NRXN1: variants seen among roughly 807,000 people sequenced by gnomAD.
NRXN1 encodes neurexin 1.
Under a neutral mutation model 150.9 loss-of-function variants are expected in NRXN1, and 39 were observed. The ratio of observed to expected loss-of-function variants is 0.26; its 90% confidence interval spans 0.20 to 0.34. NRXN1 has a LOEUF of 0.34. Among genes scored for constraint, NRXN1 ranks in the 10% least tolerant of loss-of-function variants. NRXN1 has a pLI of 1.00. For synonymous variants in NRXN1, 924 were observed against 757.0 expected, an observed-to-expected ratio of 1.22 and a Z score of -3.62; for missense variants, 1,815 against 1,949.9, an observed-to-expected ratio of 0.93 and a Z score of 1.30.
intron 5 of NRXN1, among the ~76,000 whole-genome samples, chr2:50,776,919 C>A (rs1703719169): frequency 6.6e-6 from 1 of 152,096 alleles, no homozygotes; most frequent in Admixed American, 6.6e-5. Flanking sequence ...AAATGCAATG[C>A]AATCTAATGC....
chr2:50,360,730 C>T (rs2079130615), intron 17 of NRXN1, among the ~76,000 whole-genome samples: 1 of 152,166 alleles, frequency 6.6e-6, no homozygotes, highest in African/African-American at 2.4e-5. Flanking sequence ...CAAGGATATT[C>T]AGGACTTGAA....
chr2:50,649,237 C>A (rs1685235873), intron 5 of NRXN1, among the ~76,000 whole-genome samples: 1 of 143,988 alleles, frequency 6.9e-6, no homozygotes, highest in African/African-American at 2.6e-5. Flanking sequence ...TAGGTACAAG[C>A]ATGTATACAC....
At chr2:50,657,095 C>T (rs1447875646) in intron 5 of NRXN1, among the ~76,000 whole-genome samples, 1 of 151,994 alleles carries the variant, frequency 6.6e-6, no homozygotes, top group Non-Finnish European at 1.5e-5. Flanking sequence ...GAGTAAAAGC[C>T]AAAATCCTGA....
At chr2:50,925,988 G>A in intron 2 of NRXN1, 33 bp from the exon 3 acceptor site, 3 of 1,555,374 alleles carry the variant, frequency 1.9e-6, no homozygotes, top group Non-Finnish European at 2.6e-6. Flanking sequence ...GAGAGAAAAG[G>A]AAAAACATTC....
intron 2 of NRXN1, among the ~76,000 whole-genome samples, chr2:51,006,510 C>A (rs372059360): frequency 6.6e-6 from 1 of 151,644 alleles, no homozygotes; most frequent in African/African-American, 2.4e-5. Flanking sequence ...CAAACCTGCA[C>A]GTTGTGCACA....
intron 21 of NRXN1, among the ~76,000 whole-genome samples, chr2:50,043,617 C>A (rs1691351824): frequency 6.6e-6 from 1 of 152,142 alleles, no homozygotes; most frequent in South Asian, 2.1e-4. Context: ...CTCACTCTTT[C>A]AAAACATACT....
intron 8 of NRXN1, among the ~76,000 whole-genome samples, chr2:50,555,394 T>G (rs1668083061): frequency 1.3e-5 from 2 of 152,098 alleles, no homozygotes; most frequent in South Asian, 4.1e-4. Flanking sequence ...CAATGAGACA[T>G]AATCTTATAA....
chr2:50,498,996 C>T (rs567374666), intron 13 of NRXN1, among the ~76,000 whole-genome samples: 1 of 152,322 alleles, frequency 6.6e-6, no homozygotes, highest in South Asian at 2.1e-4. Flanking sequence ...TGAACCTTTT[C>T]CCCAGGGGTA....
chr2:50,945,899 TAC>T (rs1553403042), intron 2 of NRXN1, among the ~76,000 whole-genome samples: 3,385 of 102,724 alleles, frequency 0.033, 44 homozygotes, highest in Middle Eastern at 0.051. Context: ...TATATATATA[TAC>T]ACACACACAC....
chr2:50,333,529 G>A (rs930805143), intron 17 of NRXN1, among the ~76,000 whole-genome samples: 4 of 151,976 alleles, frequency 2.6e-5, no homozygotes, highest in African/African-American at 9.7e-5. Context: ...GCCATGCCAT[G>A]GTACAAATGG....
At chr2:50,272,547 A>T (rs1381315689) in intron 17 of NRXN1, among the ~76,000 whole-genome samples, 1 of 152,214 alleles carries the variant, frequency 6.6e-6, no homozygotes, top group Non-Finnish European at 1.5e-5. Context: ...AAGTCAAAAG[A>T]AAACACAGAT....
At chr2:50,403,358 A>G (rs2082525637) in intron 17 of NRXN1, among the ~76,000 whole-genome samples, 1 of 152,120 alleles carries the variant, frequency 6.6e-6, no homozygotes, top group African/African-American at 2.4e-5. Flanking sequence ...GCTTATTAGA[A>G]ATAAGGAATC....
intron 21 of NRXN1, among the ~76,000 whole-genome samples, chr2:50,036,369 T>C (rs937182512): frequency 3.3e-5 from 5 of 152,122 alleles, no homozygotes; most frequent in South Asian, 2.1e-4. Flanking sequence ...TCCAGCTATG[T>C]TGAGTTGTGG....
At chr2:50,411,763 A>T (rs904941620) in intron 17 of NRXN1, among the ~76,000 whole-genome samples, 5 of 144,058 alleles carry the variant, frequency 3.5e-5, no homozygotes, top group African/African-American at 1.0e-4. Context: ...CGGCCGCCCC[A>T]TCTGGGAAGT....
At chr2:50,518,617 T>G (rs2092694603) in intron 12 of NRXN1, among the ~76,000 whole-genome samples, 1 of 149,644 alleles carries the variant, frequency 6.7e-6, no homozygotes. Flanking sequence ...TGATATTCCA[T>G]AAACGAAGCC....
intron 5 of NRXN1, among the ~76,000 whole-genome samples, chr2:50,836,887 A>G (rs1286767595): frequency 6.6e-6 from 1 of 151,760 alleles, no homozygotes; most frequent in Non-Finnish European, 1.5e-5. Flanking sequence ...TGGCAGCATC[A>G]ATAGAAACCA....
At chr2:50,586,484 C>G (rs911446833) in intron 8 of NRXN1, among the ~76,000 whole-genome samples, 1 of 151,832 alleles carries the variant, frequency 6.6e-6, no homozygotes, top group Non-Finnish European at 1.5e-5. Flanking sequence ...GTATACCGAC[C>G]TATAATAGTG....
chr2:50,240,994 A>G (rs2065950054), intron 17 of NRXN1, among the ~76,000 whole-genome samples: 1 of 151,638 alleles, frequency 6.6e-6, no homozygotes, highest in Non-Finnish European at 1.5e-5. Flanking sequence ...AAATCAAGTG[A>G]CTTTCAAAAA....
intron 18 of NRXN1, among the ~76,000 whole-genome samples, chr2:50,099,286 T>G (rs1254619392): frequency 2.0e-5 from 3 of 152,178 alleles, no homozygotes; most frequent in Non-Finnish European, 4.4e-5. Context: ...GGTGTATTCC[T>G]CATTGTATCC....
Sources: allele counts gnomAD v4.1 joint callset (sites outside exome capture counted in the v4.1 genomes callset), GRCh38; gene constraint gnomAD v4.1.1; transcripts MANE v1.5; gene names NCBI Gene and HGNC (gene_info 2026-07-23, HGNC 2026-07-21).